The following DSP variants were observed in gnomAD, a reference collection of about 807,000 sequenced individuals.
DSP encodes the protein desmoplakin, also known as 250/210 kDa paraneoplastic pemphigus antigen.
Under a neutral mutation model 290.6 loss-of-function variants are expected in DSP, and 114 were observed. That is an observed-to-expected ratio of 0.39 (90% CI 0.34 to 0.46). The LOEUF is 0.46. DSP is among the 20% of genes least tolerant of loss of function. The probability of loss-of-function intolerance (pLI) is 0.99; values close to 1 mark genes in which losing one functional copy is unlikely to be tolerated. For synonymous variants in DSP, 1,311 were observed against 1,316.4 expected (o/e 1.00, Z 0.09); for missense variants, 3,230 against 3,495.8 (o/e 0.92, Z 1.92).
intron 6 of DSP, among the ~76,000 whole-genome samples, chr6:7,564,904 G>A (rs367845445): frequency 3.9e-5 from 6 of 152,166 alleles, no homozygotes; most frequent in Non-Finnish European, 5.9e-5. Flanking sequence ...CAGCACTTTG[G>A]GGGGCCGAGG....
In DSP at chr6:7,546,595, G is replaced by A. The variant is rs532597034; in HGVS notation, c.170+4510G>A. On this transcript the variant is annotated intron_variant, in intron 1 of 23. Coordinates refer to ENST00000379802, the MANE Select transcript of DSP (RefSeq NM_004415.4). ...AGTTGTTAAGCTAGATTTGAATCCA[G>A]TATACCACAATGACGCAAGAGAAGA... is the stretch of plus-strand genomic sequence containing the variant. 2.6e-5 allele frequency among the ~76,000 whole-genome samples: 4 copies of A among 152,326 alleles called. No homozygotes were observed. The South Asian group carries it at 8.3e-4, about 32-fold the overall frequency.
At chr6:7,566,724 G>A (rs1386038349) in intron 8 of DSP, among the ~76,000 whole-genome samples, 1 of 152,198 alleles carries the variant, frequency 6.6e-6, no homozygotes, top group Non-Finnish European at 1.5e-5. Flanking sequence ...TTATAGTGCA[G>A]AAGGAGGCAT....
chr6:7,560,078 A>G (rs1456735229), intron 4 of DSP, among the ~76,000 whole-genome samples: 1 of 152,232 alleles, frequency 6.6e-6, no homozygotes, highest in Non-Finnish European at 1.5e-5. Flanking sequence ...ATGTCCTATA[A>G]TGAACAGGTG....
Position 7,585,515 on chromosome 6 carries a change from C to A in DSP, c.8253C>A (p.Ile2751=), listed in dbSNP as rs1165200201. The A allele has an allele frequency of 1.2e-6, 2 of 1,614,162 alleles. No individual in the cohort carries two copies. Among genetic ancestry groups the A allele is most frequent in the South Asian group, 2.2e-5 (2 of 91,076 alleles). ...GGAGGATAAGCACCGAAGAAGCCAT[C>A]CGGAAGGGGTTCATAGATGGCCGCG... is the stretch of plus-strand genomic sequence containing the variant. ...VHGRISTEEA[I]RKGFIDGRAA... The change falls in exon 24 of 24, where the codon ATC becomes ATA. Residue 2751 remains isoleucine, a synonymous_variant. Transcript: ENST00000379802.
rs1464644246 is a variant in DSP at position 7,579,939 on chromosome 6, AG to A, written c.3751del (p.Asp1251MetfsTer34). On this transcript the variant is annotated frameshift_variant, in exon 23 of 24. Coordinates refer to ENST00000379802, the MANE Select transcript of DSP (RefSeq NM_004415.4). LOFTEE classifies it high-confidence loss of function. This position sits in a 1 kb window ranked among gnomAD's most constrained non-coding sequence, Gnocchi z 4.1. Reference sequence around the variant, plus strand: ...CTTTCAAGGGAAAATCGAGATCTGAAGGATGAAATTGTCAGGCTCAATGACA... The same window carrying A: ...CTTTCAAGGGAAAATCGAGATCTGAAGATGAAATTGTCAGGCTCAATGACA... The part of the protein sequence containing the change: ...DRLSRENRDL[K>X]DEIVRLNDSI... 6.2e-7 allele frequency: 1 copy of A among 1,614,082 alleles called. No homozygotes were observed.
At chr6:7,566,780 T>C (rs1240506921) in intron 8 of DSP, among the ~76,000 whole-genome samples, 1 of 152,126 alleles carries the variant, frequency 6.6e-6, no homozygotes, top group African/African-American at 2.4e-5. Flanking sequence ...CAATAAAACT[T>C]TATTTACAAA....
chr6:7,549,431 G>A (rs1758269012), intron 1 of DSP, among the ~76,000 whole-genome samples: 2 of 152,216 alleles, frequency 1.3e-5, no homozygotes, highest in South Asian at 2.1e-4. Flanking sequence ...TTACAGGCGT[G>A]AGCCACCGTA....
chr6:7,543,730 A>G (rs1210757232), intron 1 of DSP, among the ~76,000 whole-genome samples: 2 of 152,224 alleles, frequency 1.3e-5, no homozygotes, highest in East Asian at 3.9e-4. Flanking sequence ...TTTGATTATT[A>G]TTTATAACTA....
chr6:7,578,583 T>C (rs1581814326), intron 22 of DSP, 21 bp downstream of exon 22: 1 of 1,587,682 alleles, frequency 6.3e-7, no homozygotes, highest in East Asian at 2.2e-5. Context: ...CTGTCTTTTC[T>C]TGTAGCGTCA....
intron 14 of DSP, 31 bp from the exon 15 acceptor site, chr6:7,571,811 T>C: frequency 1.2e-6 from 2 of 1,605,998 alleles, no homozygotes; most frequent in Non-Finnish European, 1.7e-6. Context: ...AGGTATTCTC[T>C]GATTTTTGTG....
rs776088292 is a variant in DSP, at chr6:7,582,880, G to T, written c.5618G>T (p.Arg1873Leu). 1 of 1,614,070 alleles carries T rather than the reference G, an allele frequency of 6.2e-7. No individual in the cohort carries two copies. The highest frequency in any genetic ancestry group is 8.5e-7 in the Non-Finnish European group (1 of 1,180,016). The change falls in exon 24 of 24, where the codon CGC becomes CTC. Residue 1873 changes from arginine to leucine, a missense_variant. Physicochemically the swap from Arg to Leu is moderately radical, Grantham distance 102 (BLOSUM62 -2). Transcript: ENST00000379802. This position sits in a 1 kb window ranked among gnomAD's most constrained non-coding sequence, Gnocchi z 4.2. ...DLNQWKTQYS[R>L]KEEAIRKIES... ...AATCAGTGGAAGACTCAATATTCCCGCAAGGAGGAGGCTATTAGGAAGATA... is the reference window on the plus strand; with the variant it reads ...AATCAGTGGAAGACTCAATATTCCCTCAAGGAGGAGGCTATTAGGAAGATA...
At chr6:7,561,538 T>C (rs934506651) in intron 4 of DSP, among the ~76,000 whole-genome samples, 3 of 152,164 alleles carry the variant, frequency 2.0e-5, no homozygotes, top group Non-Finnish European at 2.9e-5. Flanking sequence ...TTTCCCGATT[T>C]GTGTTTGCCG....
At chr6:7,571,807 T>C (rs1201112022) in intron 14 of DSP, 35 bp from the exon 15 acceptor site, 1 of 1,600,900 alleles carries the variant, frequency 6.2e-7, no homozygotes, top group Admixed American at 1.7e-5. Context: ...ACCTAGGTAT[T>C]CTCTGATTTT....
intron 4 of DSP, 73 bp downstream of exon 4, chr6:7,559,473 T>G: frequency 6.3e-7 from 1 of 1,595,094 alleles, no homozygotes; most frequent in African/African-American, 1.3e-5. Flanking sequence ...GCCCATGTGT[T>G]TGTGTGACAA....
At position 7,584,908 on chromosome 6, in the gene DSP, C is replaced by A; in HGVS notation, c.7646C>A (p.Ser2549Tyr). 1 of 1,614,182 alleles carries A rather than the reference C, an allele frequency of 6.2e-7. No homozygotes were observed. Among genetic ancestry groups the A allele is most frequent in the Non-Finnish European group, 8.5e-7 (1 of 1,180,026 alleles). ...AGGAAGTTCTTTGATCAGTACCGAT[C>A]CGGCAGCCTCAGCCTCACTCAATTT... ...VDRKFFDQYR[S>Y]GSLSLTQFAD... Residue 2549 changes from serine to tyrosine, a missense_variant, in exon 24 of 24, where the codon TCC becomes TAC. Coordinates refer to ENST00000379802, the MANE Select transcript of DSP (RefSeq NM_004415.4). This position sits in a 1 kb window ranked among gnomAD's most constrained non-coding sequence, Gnocchi z 6.4.
Position 7,581,687 on chromosome 6 carries a change from C to A in DSP, c.5379+118C>A. The stretch of plus-strand genomic sequence containing the variant: ...GATGCTTATAGAAAATCTAATTTTT[C>A]TTTTTATTGCTCTACTACTTCCTGT... On this transcript the variant is annotated intron_variant, in intron 23 of 23. Transcript: ENST00000379802. The A allele has an allele frequency of 5.0e-6, 7 of 1,391,434 alleles. No individual in the cohort carries two copies. In the South Asian group the frequency reaches 5.2e-5, roughly 10 times the overall value. The allele number at this position is 1,391,434 out of a possible 1,614,324, so 86.2% of individuals were successfully genotyped here.
At chr6:7,551,016 C>A (rs2113646233) in intron 1 of DSP, among the ~76,000 whole-genome samples, 1 of 152,042 alleles carries the variant, frequency 6.6e-6, no homozygotes. Context: ...AAAATTATTT[C>A]TTTATCCATT....
rs377133467 is a variant in DSP, at chr6:7,541,840, C to T, written c.-76C>T. On this transcript the variant is annotated 5_prime_UTR_variant, in exon 1 of 24. Transcript: ENST00000379802. Reference sequence around the variant, plus strand: ...TCCCCGGCCGTCCGCCTATCCTTGGCCCCCTCCGCTTTCTCCGCGCCGGCC... The same window carrying T: ...TCCCCGGCCGTCCGCCTATCCTTGGTCCCCTCCGCTTTCTCCGCGCCGGCC... 1.9e-5 allele frequency: 28 copies of T among 1,510,568 alleles called. No individual in the cohort carries two copies. The East Asian group carries it at 5.4e-4, about 29-fold the overall frequency. 93.6% of individuals were successfully genotyped at this position (1,510,568 alleles called of 1,614,324 possible).
At chr6:7,577,965 C>G (rs1450412996) in intron 21 of DSP, 79 bp downstream of exon 21, 1 of 1,134,914 alleles carries the variant, frequency 8.8e-7, no homozygotes, top group Non-Finnish European at 1.3e-6. Context: ...TGCCTCTTCC[C>G]TTTTCCCTGT....
Sources: gnomAD v4.1 joint callset for allele counts (sites outside exome capture counted in the v4.1 genomes callset) on GRCh38, gnomAD v4.1.1 for gene constraint, Gnocchi (gnomAD v3.1) non-coding constraint, MANE v1.5 for transcripts, NCBI Gene and HGNC (gene_info 2026-07-23, HGNC 2026-07-21) for gene names.